The following FSCN2 variants were observed in gnomAD, a reference collection of about 807,000 sequenced individuals.
FSCN2 encodes fascin-2.
FSCN2 carries 46 observed loss-of-function variants against 37.8 expected under a neutral mutation model. That is an observed-to-expected ratio of 1.22 (90% confidence interval 0.96 to 1.56). The LOEUF is 1.56. Among genes scored for constraint, FSCN2 ranks in the 40% most tolerant of loss-of-function variants. FSCN2 has a pLI of 0.00. For missense variants in FSCN2, 844 were observed against 730.4 expected (o/e 1.16, Z -1.79); for synonymous variants, 351 against 309.4 (o/e 1.13, Z -1.41).
the FSCN2 span, among the ~76,000 whole-genome samples, chr17:81,518,131 G>A: frequency 1.3e-5 from 2 of 152,082 alleles, no homozygotes; most frequent in African/African-American, 4.8e-5. Flanking sequence ...CAGAGTGGGC[G>A]CTGCCTGTCC....
intron 1 of FSCN2, among the ~76,000 whole-genome samples, chr17:81,532,593 ATGG>A (rs1489233959): frequency 1.4e-5 from 2 of 138,966 alleles, no homozygotes; most frequent in South Asian, 2.4e-4. Flanking sequence ...AGTGATGGTG[ATGG>A]TGATGATGGT....
the FSCN2 span, among the ~76,000 whole-genome samples, chr17:81,519,931 C>T: frequency 6.6e-6 from 1 of 152,222 alleles, no homozygotes; most frequent in Non-Finnish European, 1.5e-5. Flanking sequence ...GCACCAGCTC[C>T]CAGAAAAGGA....
chr17:81,537,043 C>T lies in FSCN2; in HGVS notation c.1442C>T (p.Ala481Val). 7 of 1,475,264 alleles carry T rather than the reference C, an allele frequency of 4.7e-6. No individual in the cohort carries two copies. Among genetic ancestry groups the T allele is most frequent in the Non-Finnish European group, 6.2e-6 (7 of 1,120,374 alleles). The allele number at this position is 1,475,264 out of a possible 1,614,324, so 91.4% of individuals were successfully genotyped here. ...GCCTCGGGCCTGCTGCGGGCCGATG[C>T]CGACGCCCCGGCCGGGACCGCGCTT... ...GGASGLLRAD[A>V]DAPAGTALWE... Residue 481 changes from alanine (A) to valine (V), a missense_variant, in exon 5 of 5, where the codon GCC (alanine) becomes GTC (valine). Physicochemically the swap from Ala to Val is moderately conservative, Grantham distance 64 (BLOSUM62 0). Transcript: ENST00000417245.
chr17:81,521,699 G>A, the FSCN2 span, among the ~76,000 whole-genome samples: 1 of 152,078 alleles, frequency 6.6e-6, no homozygotes, highest in Non-Finnish European at 1.5e-5. Flanking sequence ...AACTTACCTC[G>A]TTTTAAACAT....
At position 81,536,936 on chromosome 17, in the gene FSCN2, C is replaced by A; in HGVS notation, c.1335C>A (p.Arg445=). The change falls in exon 5 of 5, where the codon CGC becomes CGA. Residue 445 remains arginine (R), a synonymous_variant. Transcript: ENST00000417245. ...SHGSVCSDGE[R]AEDFVFEFRE... is the part of the protein sequence containing the mutation. ...GCAGCGTGTGCAGCGACGGCGAACG[C>A]GCCGAGGACTTCGTCTTCGAGTTCC... 6.4e-7 allele frequency: 1 copy of A among 1,571,884 alleles called. No individual in the cohort carries two copies.
rs1420294291 is a variant in FSCN2 at position 81,532,461 on chromosome 17, GTGA to G, written c.827-2588_827-2586del. ...GGTGATGATGATGGTGATGGTGGTG[GTGA>G]TGGTGGTGGTGGTGATGATAGTGAT... On this transcript the variant is annotated intron_variant, in intron 1 of 4. Coordinates refer to ENST00000417245, the MANE Select transcript of FSCN2 (RefSeq NM_012418.4). 1.2e-3 allele frequency among the ~76,000 whole-genome samples: 160 copies of G among 132,118 alleles called. 3 individuals carry two copies. Among genetic ancestry groups the G allele is most frequent in the Middle Eastern group, 3.9e-3 (1 of 258 alleles). 86.7% of individuals were successfully genotyped at this position (132,118 alleles called of 152,430 possible).
chr17:81,529,707 G>A, intron 1 of FSCN2: 1 of 542,740 alleles, frequency 1.8e-6, no homozygotes, highest in South Asian at 1.5e-5. Flanking sequence ...GCAGGGGCAG[G>A]AGGCCCACAG....
In FSCN2 at chr17:81,536,939, C is replaced by T. The variant is rs1229279569; in HGVS notation, c.1338C>T (p.Ala446=). 4.5e-6 allele frequency: 7 copies of T among 1,570,828 alleles called. No individual in the cohort carries two copies. Among genetic ancestry groups the T allele is most frequent in the South Asian group, 2.3e-5 (2 of 86,596 alleles). The change falls in exon 5 of 5, where the codon GCC becomes GCT. Residue 446 remains alanine (A), a synonymous_variant. Transcript: ENST00000417245. ...GCGTGTGCAGCGACGGCGAACGCGC[C>T]GAGGACTTCGTCTTCGAGTTCCGTG... ...HGSVCSDGER[A]EDFVFEFRER... is the part of the protein sequence containing the mutation.
chr17:81,523,379 A>G (rs919605002), upstream of FSCN2, among the ~76,000 whole-genome samples: 1 of 152,200 alleles, frequency 6.6e-6, no homozygotes, highest in Non-Finnish European at 1.5e-5. Flanking sequence ...GAGAAAGAGA[A>G]GTGCGGCCCC....
At chr17:81,535,851 ATCACCATCCCCCTCTCCATCCCCATCC>A (rs1568082454) in intron 2 of FSCN2, among the ~76,000 whole-genome samples, 5 of 88,674 alleles carry the variant, frequency 5.6e-5, no homozygotes, top group African/African-American at 2.4e-4. Context: ...CCCCATCTCC[ATCACCATCCCCCTCTCCATCCCCATCC>A]CCATCTCCAT....
chr17:81,516,886 G>A, the FSCN2 span, among the ~76,000 whole-genome samples: 1 of 146,354 alleles, frequency 6.8e-6, no homozygotes, highest in Non-Finnish European at 1.6e-5. Flanking sequence ...CCAGGTCTCT[G>A]CATGTTTTGT....
chr17:81,519,759 G>T, the FSCN2 span, among the ~76,000 whole-genome samples: 3 of 152,260 alleles, frequency 2.0e-5, no homozygotes, highest in African/African-American at 7.2e-5. Flanking sequence ...GTGGATGAGG[G>T]GGTGGCCCGG....
At chr17:81,516,848 G>T in the FSCN2 span, among the ~76,000 whole-genome samples, 1 of 151,830 alleles carries the variant, frequency 6.6e-6, no homozygotes, top group African/African-American at 2.4e-5. Flanking sequence ...CTCTGCATGT[G>T]TTGTCCAATT....
At chr17:81,516,385 C>T in the FSCN2 span, among the ~76,000 whole-genome samples, 5 of 152,216 alleles carry the variant, frequency 3.3e-5, no homozygotes, top group Non-Finnish European at 5.9e-5. Context: ...AAAGTTCTCC[C>T]ATAATAAAAA....
At chr17:81,521,904 G>A in the FSCN2 span, among the ~76,000 whole-genome samples, 1 of 152,304 alleles carries the variant, frequency 6.6e-6, no homozygotes, top group East Asian at 1.9e-4. Context: ...ATGATGGCGT[G>A]GATCATACAA....
In FSCN2 at chr17:81,536,995, G is replaced by A. The variant is rs778166495; in HGVS notation, c.1394G>A (p.Ser465Asn). The A allele has an allele frequency of 6.6e-7, 1 of 1,524,346 alleles. No homozygotes were observed. Among genetic ancestry groups the A allele is most frequent in the Non-Finnish European group, 8.7e-7 (1 of 1,143,470 alleles). 94.4% of individuals were successfully genotyped at this position (1,524,346 alleles called of 1,614,324 possible). ...GGCCGCCTGGCCATCCGCGCCCGGAGCGGCAAGTACCTGCGCGGCGGCGCC... is the reference window on the plus strand; with the variant it reads ...GGCCGCCTGGCCATCCGCGCCCGGAACGGCAAGTACCTGCGCGGCGGCGCC... Reference protein sequence around the residue: ...ERGRLAIRARSGKYLRGGASG... With the variant: ...ERGRLAIRARNGKYLRGGASG... The change falls in exon 5 of 5, where the codon AGC (serine) becomes AAC (asparagine). Residue 465 changes from serine to asparagine, a missense_variant. Ser to Asn is a conservative substitution (Grantham distance 46). Coordinates refer to ENST00000417245, the MANE Select transcript of FSCN2 (RefSeq NM_012418.4).
rs781882828 is a variant in FSCN2 at position 81,531,318 on chromosome 17, A to ATGGTGG, written c.826+1963_826+1964insGTGGTG. ...GGTGATGGTGATGGTGGTGGTGGTG[A>ATGGTGG]TGATGGTGGTGGTGGTGATGGTGGT... On this transcript the variant is annotated intron_variant, in intron 1 of 4. Coordinates refer to ENST00000417245, the MANE Select transcript of FSCN2 (RefSeq NM_012418.4). Among the ~76,000 whole-genome samples the ATGGTGG allele has an allele frequency of 3.4e-3, 136 of 39,870 alleles. 2 individuals carry two copies. Among genetic ancestry groups the ATGGTGG allele is most frequent in the African/African-American group, 5.7e-3 (56 of 9,748 alleles). 26.2% of individuals were successfully genotyped at this position (39,870 alleles called of 152,430 possible).
At chr17:81,518,073 C>T in the FSCN2 span, among the ~76,000 whole-genome samples, 1 of 152,174 alleles carries the variant, frequency 6.6e-6, no homozygotes, top group Non-Finnish European at 1.5e-5. Context: ...AGGCTACCTG[C>T]TGCCTCGGGG....
chr17:81,523,251 C>G, the FSCN2 span, among the ~76,000 whole-genome samples: 1 of 152,180 alleles, frequency 6.6e-6, no homozygotes. Context: ...TCGGAGCAGG[C>G]AGGCAGCCAC....
Sources: allele counts gnomAD v4.1 joint callset (sites outside exome capture counted in the v4.1 genomes callset), GRCh38; gene constraint gnomAD v4.1.1; transcripts MANE v1.5; gene names NCBI Gene and HGNC (gene_info 2026-07-23, HGNC 2026-07-21).